The following CNTROB variants were observed in gnomAD, a reference collection of about 807,000 sequenced individuals.
The protein encoded by CNTROB is centrobin, centriole duplication and spindle assembly protein.
In CNTROB, 82 loss-of-function variants were observed where a neutral mutation model predicts 115.7. That is an observed-to-expected ratio of 0.71 (90% CI 0.59 to 0.85). CNTROB has a LOEUF of 0.85. Ranked by LOEUF, CNTROB falls within the 40% of genes least tolerant of loss-of-function variation. The pLI is 0.00. For synonymous variants in CNTROB, 439 were observed against 456.4 expected, an observed-to-expected ratio of 0.96 and a Z score of 0.49; for missense variants, 1,014 against 1,144.4, an observed-to-expected ratio of 0.89 and a Z score of 1.64.
intron 9 of CNTROB, among the ~76,000 whole-genome samples, chr17:7,941,096 C>T (rs1973803956): frequency 6.6e-6 from 1 of 152,194 alleles, no homozygotes; most frequent in Admixed American, 6.5e-5. Flanking sequence ...GGGGGAGACA[C>T]AGCGTTGAAG....
In CNTROB at chr17:7,944,592, A is replaced by T. The variant is rs1474898051; in HGVS notation, c.1688A>T (p.Glu563Val). Residue 563 changes from glutamate to valine, a missense_variant, in exon 12 of 19, where the codon GAG (glutamate) becomes GTG (valine). By Grantham distance (121) the Glu-to-Val change is moderately radical (BLOSUM62 -2). Coordinates refer to ENST00000563694, the MANE Select transcript of CNTROB (RefSeq NM_053051.5). The surrounding 1 kb of genome is among the most constrained non-coding windows in gnomAD (Gnocchi z 4.0). ...GCCATGCTGCAGGCCCACTGGGATG[A>T]GGCCAACCAGCTGCTCAGCACCACT... ...LQAMLQAHWD[E>V]ANQLLSTTLP... 1 of 1,614,070 alleles carries T rather than the reference A, an allele frequency of 6.2e-7. No individual in the cohort carries two copies. Among genetic ancestry groups the T allele is most frequent in the Non-Finnish European group, 8.5e-7 (1 of 1,179,976 alleles).
At chr17:7,935,366 G>A (rs1427417288) in intron 4 of CNTROB, among the ~76,000 whole-genome samples, 1 of 152,162 alleles carries the variant, frequency 6.6e-6, no homozygotes, top group East Asian at 1.9e-4. Flanking sequence ...GCCGGGCATG[G>A]TGGTGGGTGC....
Position 7,944,257 on chromosome 17 carries a change from C to T in CNTROB, c.1571+9C>T, listed in dbSNP as rs762161681. The T allele has an allele frequency of 1.9e-6, 3 of 1,612,890 alleles. No homozygotes were observed. The highest frequency in any genetic ancestry group is 4.5e-5 in the East Asian group (2 of 44,880). On this transcript the variant is annotated intron_variant, in intron 11 of 18. Coordinates refer to ENST00000563694, the MANE Select transcript of CNTROB (RefSeq NM_053051.5). The surrounding 1 kb of genome is among the most constrained non-coding windows in gnomAD (Gnocchi z 4.0). ...GAGGACTACGAGCTCAGGTCCTGGT[C>T]CCCAGAGTGCCCCTTTCAGGCCCCA...
Position 7,948,875 on chromosome 17 carries a change from C to G in CNTROB, c.2514-210C>G. On this transcript the variant is annotated intron_variant, in intron 17 of 18. Coordinates refer to ENST00000563694, the MANE Select transcript of CNTROB (RefSeq NM_053051.5). The surrounding 1 kb of genome is among the most constrained non-coding windows in gnomAD (Gnocchi z 4.4). ...TACCTTCGTTTTTTTCCTCTTTACCCCTCAGCTCAAAACTCAGAATCCTAG... is the reference window on the plus strand; with the variant it reads ...TACCTTCGTTTTTTTCCTCTTTACCGCTCAGCTCAAAACTCAGAATCCTAG... 1 of 1,458,076 alleles carries G rather than the reference C, an allele frequency of 6.9e-7. No homozygotes were observed. The allele number at this position is 1,458,076 out of a possible 1,614,324, so 90.3% of individuals were successfully genotyped here. A position where few individuals can be genotyped will look rare whatever the true frequency, so the allele number is the denominator to read the frequency against.
At position 7,934,484 on chromosome 17, in the gene CNTROB, C is replaced by T. The variant is rs1192319783; in HGVS notation, c.375C>T (p.Gly125=). 1.9e-6 allele frequency: 3 copies of T among 1,614,094 alleles called. No homozygotes were observed. Among genetic ancestry groups the T allele is most frequent in the African/African-American group, 2.7e-5 (2 of 75,028 alleles). The part of the protein sequence containing the change: ...DTAYRDPLIP[G]AGSERREEDS... ...CTGCAGGGGATCCTCTCATTCCTGG[C>T]GCTGGCTCAGAGAGACGGGAAGAGG... The change falls in exon 3 of 19, where the codon GGC becomes GGT. Residue 125 remains glycine (G), a synonymous_variant. Transcript: ENST00000563694.
At chr17:7,947,526 C>G in intron 13 of CNTROB, 45 bp from the exon 14 acceptor site, 1 of 1,532,086 alleles carries the variant, frequency 6.5e-7, no homozygotes, top group Non-Finnish European at 8.8e-7. Flanking sequence ...AGCCCCTTCC[C>G]CCCTGAACAC....
chr17:7,943,693 C>A lies in CNTROB; in HGVS notation c.1445+169C>A. ...CTCTCTCGGGAGGGCTGCCTTCACG[C>A]GTTCATGGAGAGCCAGAAGTGCCTG... On this transcript the variant is annotated intron_variant, in intron 10 of 18. Transcript: ENST00000563694. The surrounding 1 kb of genome is among the most constrained non-coding windows in gnomAD (Gnocchi z 4.7). The A allele has an allele frequency of 1.5e-6, 1 of 689,182 alleles. No individual in the cohort carries two copies. Among genetic ancestry groups the A allele is most frequent in the Non-Finnish European group, 2.3e-6 (1 of 427,864 alleles). 42.7% of individuals were successfully genotyped at this position (689,182 alleles called of 1,614,324 possible). A position where few individuals can be genotyped will look rare whatever the true frequency, so the allele number is the denominator to read the frequency against.
At position 7,947,967 on chromosome 17, in the gene CNTROB, C is replaced by A; in HGVS notation, c.2197C>A (p.Pro733Thr). 1 of 1,613,712 alleles carries A rather than the reference C, an allele frequency of 6.2e-7. No homozygotes were observed. The highest frequency in any genetic ancestry group is 8.5e-7 in the Non-Finnish European group (1 of 1,179,678). ...TGAGAACCCTTCTGTCGACCTGTTG[C>A]CCCCTAAGTCTGGTGAGTTCCAACT... is the stretch of plus-strand genomic sequence containing the variant. ...NNENPSVDLL[P>T]PKSGPLTVPS... Residue 733 changes from proline (P) to threonine (T), a missense_variant, in exon 15 of 19, where the codon CCC (proline) becomes ACC (threonine). Physicochemically the swap from Pro to Thr is conservative, Grantham distance 38 (BLOSUM62 -1). Transcript: ENST00000563694.
At chr17:7,934,303 G>A in intron 2 of CNTROB, 81 bp downstream of exon 2, 1 of 1,444,592 alleles carries the variant, frequency 6.9e-7, no homozygotes, top group East Asian at 2.3e-5. Context: ...GAAGCAGGCA[G>A]GAAAACCTCT....
At position 7,949,498 on chromosome 17, in the gene CNTROB, A is replaced by C. The variant is rs1470890256; in HGVS notation, c.2700A>C (p.Gly900=). ...PAPSSMRSRG[G]VWR Reference sequence around the variant, plus strand: ...CGAGTAGCATGAGGAGCCGGGGGGGAGTCTGGAGATGAGCCCCCCTACCCT... The same window carrying C: ...CGAGTAGCATGAGGAGCCGGGGGGGCGTCTGGAGATGAGCCCCCCTACCCT... Residue 900 remains glycine (G), a synonymous_variant, in exon 19 of 19, where the codon GGA becomes GGC. Coordinates refer to ENST00000563694, the MANE Select transcript of CNTROB (RefSeq NM_053051.5). 4 of 1,611,786 alleles carry C rather than the reference A, an allele frequency of 2.5e-6. No homozygotes were observed. Among genetic ancestry groups the C allele is most frequent in the Non-Finnish European group, 3.4e-6 (4 of 1,179,184 alleles).
At position 7,936,827 on chromosome 17, in the gene CNTROB, C is replaced by G. The variant is rs375264706; in HGVS notation, c.828+10C>G. 1 of 1,061,740 alleles carries G rather than the reference C, an allele frequency of 9.4e-7. No individual in the cohort carries two copies. The highest frequency in any genetic ancestry group is 2.4e-5 in the East Asian group (1 of 42,430). 65.8% of individuals were successfully genotyped at this position (1,061,740 alleles called of 1,614,324 possible). Reference sequence around the variant, plus strand: ...AAGCAAGCAGCAGGAGGTGAGCGCCCTGGAGCATATGGCATTAGAACCTGA... The same window carrying G: ...AAGCAAGCAGCAGGAGGTGAGCGCCGTGGAGCATATGGCATTAGAACCTGA... On this transcript the variant is annotated intron_variant, in intron 6 of 18. Coordinates refer to ENST00000563694, the MANE Select transcript of CNTROB (RefSeq NM_053051.5).
Position 7,939,750 on chromosome 17 carries a change from G to A in CNTROB, c.1164+1G>A. The A allele has an allele frequency of 6.2e-7, 1 of 1,613,670 alleles. No homozygotes were observed. The highest frequency in any genetic ancestry group is 8.5e-7 in the Non-Finnish European group (1 of 1,179,732). The stretch of plus-strand genomic sequence containing the variant: ...CCAGGCTCAGCTGGAAAGGGAGAAG[G>A]TAAAAGTGGCAGTTGGAAGAGCTGA... On this transcript the variant is annotated splice_donor_variant, in intron 8 of 18. Coordinates refer to ENST00000563694, the MANE Select transcript of CNTROB (RefSeq NM_053051.5). LOFTEE classifies it high-confidence loss of function. The surrounding 1 kb of genome is among the most constrained non-coding windows in gnomAD (Gnocchi z 4.4).
intron 9 of CNTROB, among the ~76,000 whole-genome samples, chr17:7,942,961 C>T (rs926446586): frequency 6.6e-6 from 1 of 150,640 alleles, no homozygotes; most frequent in Non-Finnish European, 1.5e-5. Flanking sequence ...GCCAACACGC[C>T]CGGCTAATTT....
chr17:7,948,280 C>G lies in CNTROB; in HGVS notation c.2333C>G (p.Ser778Cys). ...SSLFRVPEPP[S>C]SHSQGSGPSS... ...CTTTTCCGGGTCCCTGAGCCTCCCTCCTCCCATTCACAAGGCAGTGGTCCC... is the reference window on the plus strand; with the variant it reads ...CTTTTCCGGGTCCCTGAGCCTCCCTGCTCCCATTCACAAGGCAGTGGTCCC... The change falls in exon 16 of 19, where the codon TCC becomes TGC. Residue 778 changes from serine to cysteine, a missense_variant. Ser to Cys is a moderately radical substitution (Grantham distance 112). Transcript: ENST00000563694. This position sits in a 1 kb window ranked among gnomAD's most constrained non-coding sequence, Gnocchi z 4.4. 6.2e-7 allele frequency: 1 copy of G among 1,614,176 alleles called. No homozygotes were observed. The highest frequency in any genetic ancestry group is 8.5e-7 in the Non-Finnish European group (1 of 1,180,040).
In CNTROB at chr17:7,947,926, C is replaced by T; in HGVS notation, c.2156C>T (p.Thr719Ile). Residue 719 changes from threonine (T) to isoleucine (I), a missense_variant, in exon 15 of 19, where the codon ACA (threonine) becomes ATA (isoleucine). By Grantham distance (89) the Thr-to-Ile change is moderately conservative (BLOSUM62 -1). Coordinates refer to ENST00000563694, the MANE Select transcript of CNTROB (RefSeq NM_053051.5). ...CTTATTCACCCACAGTTGCTGGAGA[C>T]AGTGCCCCAGAACAATGAGAACCCT... is the stretch of plus-strand genomic sequence containing the variant. Reference protein sequence around the residue: ...LKNFLHQLLETVPQNNENPSV... With the variant: ...LKNFLHQLLEIVPQNNENPSV... The T allele has an allele frequency of 1.2e-6, 2 of 1,613,986 alleles. No individual in the cohort carries two copies. Among genetic ancestry groups the T allele is most frequent in the Non-Finnish European group, 1.7e-6 (2 of 1,179,850 alleles).
chr17:7,949,312 C>A, intron 18 of CNTROB, 73 bp from the exon 19 acceptor site: 2 of 1,599,766 alleles, frequency 1.3e-6, no homozygotes, highest in South Asian at 1.1e-5. Flanking sequence ...TCTCCACGTG[C>A]ATTTCCTCAG....
rs769083956 is a variant in CNTROB at position 7,948,524 on chromosome 17, G to A, written c.2418G>A (p.Glu806=). 1 of 1,614,078 alleles carries A rather than the reference G, an allele frequency of 6.2e-7. No homozygotes were observed. The highest frequency in any genetic ancestry group is 8.5e-7 in the Non-Finnish European group (1 of 1,180,014). The change falls in exon 17 of 19, where the codon GAG becomes GAA. Residue 806 remains glutamate, a synonymous_variant. Transcript: ENST00000563694. This position sits in a 1 kb window ranked among gnomAD's most constrained non-coding sequence, Gnocchi z 4.4. ...TTACATTCCCAAGGCAGCTGATGGA[G>A]GTGTCTCAACTGTTGCGACTCTACC... ...DGLTFPRQLM[E]VSQLLRLYQA...
chr17:7,935,595 C>G (rs1973077559), intron 4 of CNTROB: 1 of 172,182 alleles, frequency 5.8e-6, no homozygotes, highest in African/African-American at 2.4e-5. Context: ...TTTGACCATT[C>G]CATCTAATAT....
intron 12 of CNTROB, chr17:7,945,504 A>G (rs1287909491): frequency 1.9e-6 from 1 of 532,786 alleles, no homozygotes; most frequent in South Asian, 2.5e-5. Flanking sequence ...CACACGTGCC[A>G]TTGCCCCCAG....
Sources: gnomAD v4.1 joint callset for allele counts (sites outside exome capture counted in the v4.1 genomes callset) on GRCh38, gnomAD v4.1.1 for gene constraint, Gnocchi (gnomAD v3.1) non-coding constraint, MANE v1.5 for transcripts, NCBI Gene and HGNC (gene_info 2026-07-23, HGNC 2026-07-21) for gene names.